The following SLC43A2 variants were observed in gnomAD, a reference collection of about 807,000 sequenced individuals.
SLC43A2 encodes the protein solute carrier family 43 member 2, also known as large neutral amino acids transporter small subunit 4.
SLC43A2 carries 38 observed loss-of-function variants against 63.2 expected under a neutral mutation model. The ratio of observed to expected loss-of-function variants is 0.60; its 90% CI spans 0.46 to 0.79. SLC43A2 has a LOEUF of 0.79. SLC43A2 is among the 30% of genes least tolerant of loss of function. The probability of loss-of-function intolerance (pLI) is 0.00; values close to 1 mark genes in which losing one functional copy is unlikely to be tolerated. For missense variants in SLC43A2, 644 were observed against 756.2 expected, an observed-to-expected ratio of 0.85 and a Z score of 1.74; for synonymous variants, 322 against 331.0, an observed-to-expected ratio of 0.97 and a Z score of 0.30.
chr17:1,621,677 C>T (rs570750151), intron 2 of SLC43A2, among the ~76,000 whole-genome samples: 3 of 152,336 alleles, frequency 2.0e-5, no homozygotes, highest in Admixed American at 2.0e-4. Context: ...CCCACGCCCA[C>T]CCCATATTCC....
Position 1,585,983 on chromosome 17 carries a change from A to G in SLC43A2, c.1147T>C (p.Tyr383His). ...TCCTTCAGCCTCCAGTCCATGATGT[A>G]GCCAATGACGGGGGCCGTCAGCAGG... is the stretch of plus-strand genomic sequence containing the variant. ...LCLLTAPVIG[Y>H]IMDWRLKECE... The change falls in exon 10 of 14, where the codon TAC becomes CAC. Residue 383 changes from tyrosine (Y) to histidine (H), a missense_variant. This residue lies in a region of SLC43A2 where 528 missense variants were observed against 623.6 expected (regional missense o/e 0.85). Transcript: ENST00000301335. The G allele has an allele frequency of 6.2e-7, 1 of 1,613,360 alleles. No homozygotes were observed. Among genetic ancestry groups the G allele is most frequent in the Non-Finnish European group, 8.5e-7 (1 of 1,179,900 alleles).
intron 11 of SLC43A2, among the ~76,000 whole-genome samples, chr17:1,582,943 A>G (rs552396446): frequency 2.0e-5 from 3 of 152,064 alleles, no homozygotes; most frequent in South Asian, 2.1e-4. Flanking sequence ...GCTGGGCGTG[A>G]TGGTGCGCAC....
At position 1,615,180 on chromosome 17, in the gene SLC43A2, T is replaced by C. The variant is rs1004846650; in HGVS notation, c.369-146A>G. On this transcript the variant is annotated intron_variant, in intron 3 of 13. Coordinates refer to ENST00000301335, the MANE Select transcript of SLC43A2 (RefSeq NM_152346.3). ...TGGAGTGCAGTGGCGCGATCTCGGC[T>C]CACTGCAACCTCCGCCTCCCAGGTT... The C allele has an allele frequency of 1.2e-4, 109 of 878,570 alleles. 1 individual carries two copies. In the East Asian group the frequency reaches 2.0e-3, roughly 16 times the overall value. 54.4% of individuals were successfully genotyped at this position (878,570 alleles called of 1,614,324 possible).
chr17:1,586,928 T>TCCCCCCCCCCCCCCCCCCCCCCCTCGCCC, intron 9 of SLC43A2: 1 of 1,232,916 alleles, frequency 8.1e-7, no homozygotes, highest in South Asian at 1.3e-5. Flanking sequence ...TCCCTGACAA[T>TCCCCCCCCCCCCCCCCCCCCCCCTCGCCC]CCCCCCCACC....
At chr17:1,615,658 A>G (rs375673158) in intron 3 of SLC43A2, among the ~76,000 whole-genome samples, 19 of 129,516 alleles carry the variant, frequency 1.5e-4, no homozygotes, top group East Asian at 3.3e-4. Context: ...CCTGGCTAAC[A>G]CAGTGAAACC....
Position 1,570,452 on chromosome 17 carries a change from C to T in SLC43A2, c.*5152G>A, listed in dbSNP as rs941899231. 27 of 152,192 alleles carry T rather than the reference C, an allele frequency of 1.8e-4. No homozygotes were observed. The highest frequency in any genetic ancestry group is 1.6e-3 in the Admixed American group (25 of 15,248). 9.4% of individuals were successfully genotyped at this position (152,192 alleles called of 1,614,324 possible). On this transcript the variant is annotated 3_prime_UTR_variant, in exon 14 of 14. Coordinates refer to ENST00000301335, the MANE Select transcript of SLC43A2 (RefSeq NM_152346.3). ...GGTGGCCCTTTCCCTGTCCCAGCTG[C>T]CTTCTTCCTGGGCACTGAAAACGAT...
rs1191733279 is a variant in SLC43A2 at position 1,583,949 on chromosome 17, G to A, written c.1218-613C>T. 2.6e-5 allele frequency among the ~76,000 whole-genome samples: 4 copies of A among 152,040 alleles called. No individual in the cohort carries two copies. Among genetic ancestry groups the A allele is most frequent in the African/African-American group, 7.2e-5 (3 of 41,400 alleles). On this transcript the variant is annotated intron_variant, in intron 10 of 13. Transcript: ENST00000301335. This position sits in a 1 kb window ranked among gnomAD's most constrained non-coding sequence, Gnocchi z 5.5. ...CTCGCTCTGTCACCCGGGCTGGAGT[G>A]CAGTGGTGTGATCTCGGCTCATTGC...
chr17:1,605,290 C>A lies in SLC43A2; in HGVS notation c.501+7905G>T. ...AACAGGCCGGACTGTGTGACCTTCC[C>A]AGAGGGGAAAACAGCAGCTGCAGGC... On this transcript the variant is annotated intron_variant, in intron 5 of 13. Coordinates refer to ENST00000301335, the MANE Select transcript of SLC43A2 (RefSeq NM_152346.3). This position sits in a 1 kb window ranked among gnomAD's most constrained non-coding sequence, Gnocchi z 4.9. 1 of 991,554 alleles carries A rather than the reference C, an allele frequency of 1.0e-6. No homozygotes were observed. Among genetic ancestry groups the A allele is most frequent in the Non-Finnish European group, 1.2e-6 (1 of 820,400 alleles). The allele number at this position is 991,554 out of a possible 1,614,324, so 61.4% of individuals were successfully genotyped here.
At chr17:1,618,900 A>C (rs1907913089) in intron 2 of SLC43A2, among the ~76,000 whole-genome samples, 1 of 151,964 alleles carries the variant, frequency 6.6e-6, no homozygotes. Flanking sequence ...CAAGAGAATC[A>C]TTGAACCCGG....
intron 5 of SLC43A2, among the ~76,000 whole-genome samples, chr17:1,595,901 G>C (rs1905240663): frequency 6.6e-6 from 1 of 152,214 alleles, no homozygotes; most frequent in Non-Finnish European, 1.5e-5. Context: ...TTACTGAGCG[G>C]AGGGAGTTTG....
chr17:1,621,220 C>T (rs190084988), intron 2 of SLC43A2, among the ~76,000 whole-genome samples: 3 of 152,254 alleles, frequency 2.0e-5, no homozygotes, highest in Admixed American at 2.0e-4. Context: ...CCCCAGGCTC[C>T]CCTGAGGCAA....
chr17:1,586,928 T>TGGGCCCCCCCCCC, intron 9 of SLC43A2: 243 of 1,231,976 alleles, frequency 2.0e-4, no homozygotes, highest in Non-Finnish European at 2.5e-4. Flanking sequence ...TCCCTGACAA[T>TGGGCCCCCCCCCC]CCCCCCCACC....
rs1470273980 is a variant in SLC43A2, at chr17:1,573,507, G to C, written c.*2097C>G. The C allele has an allele frequency of 6.6e-6, 1 of 152,290 alleles. No individual in the cohort carries two copies. Among genetic ancestry groups the C allele is most frequent in the African/African-American group, 2.4e-5 (1 of 41,476 alleles). 9.4% of individuals were successfully genotyped at this position (152,290 alleles called of 1,614,324 possible). ...GTGCTGGCTGTAAGGAAACAGGCTTGACTTTTAACTCAGCCTTTCCCAAAC... is the reference window on the plus strand; with the variant it reads ...GTGCTGGCTGTAAGGAAACAGGCTTCACTTTTAACTCAGCCTTTCCCAAAC... On this transcript the variant is annotated 3_prime_UTR_variant, in exon 14 of 14. Coordinates refer to ENST00000301335, the MANE Select transcript of SLC43A2 (RefSeq NM_152346.3).
intron 5 of SLC43A2, among the ~76,000 whole-genome samples, chr17:1,609,789 A>G (rs1027354188): frequency 2.0e-5 from 3 of 152,136 alleles, no homozygotes; most frequent in Non-Finnish European, 2.9e-5. Flanking sequence ...AAGATACATT[A>G]AGGGAAAAGG....
chr17:1,580,048 T>C (rs1386377673), intron 11 of SLC43A2, among the ~76,000 whole-genome samples: 3 of 151,800 alleles, frequency 2.0e-5, no homozygotes, highest in African/African-American at 7.3e-5. Context: ...TGCCTCAGCC[T>C]CCCTAGTAGC....
intron 6 of SLC43A2, among the ~76,000 whole-genome samples, chr17:1,592,191 G>A (rs1904881748): frequency 6.6e-6 from 1 of 152,240 alleles, no homozygotes; most frequent in Non-Finnish European, 1.5e-5. Context: ...CACTTTGGGA[G>A]GCCAAAGTGG....
intron 9 of SLC43A2, among the ~76,000 whole-genome samples, chr17:1,587,838 C>T (rs1904359435): frequency 6.6e-6 from 1 of 152,244 alleles, no homozygotes; most frequent in Non-Finnish European, 1.5e-5. Context: ...GGACAGGTGG[C>T]CCCTGACTAG....
At chr17:1,629,529 A>C (rs1431781073), upstream of SLC43A2, among the ~76,000 whole-genome samples, 2 of 152,078 alleles carry the variant, frequency 1.3e-5, no homozygotes, top group East Asian at 3.9e-4. Flanking sequence ...TGGCCCTTGG[A>C]AATCTGCAAG....
Position 1,594,638 on chromosome 17 carries a change from A to T in SLC43A2, c.502-1359T>A, listed in dbSNP as rs1221648333. On this transcript the variant is annotated intron_variant, in intron 5 of 13. Coordinates refer to ENST00000301335, the MANE Select transcript of SLC43A2 (RefSeq NM_152346.3). ...AGTCTCGCTCTTTCGCCCAGGCTGT[A>T]CTGCAGTGGCTCTATCTCGGCTCAC... Among the ~76,000 whole-genome samples, 16 of 126,918 alleles carry T rather than the reference A, an allele frequency of 1.3e-4. No homozygotes were observed. The South Asian group carries it at 4.1e-3, about 33-fold the overall frequency. 83.3% of individuals were successfully genotyped at this position (126,918 alleles called of 152,430 possible).
Sources: allele counts gnomAD v4.1 joint callset (sites outside exome capture counted in the v4.1 genomes callset), GRCh38; gene constraint gnomAD v4.1.1; regional missense constraint gnomAD v4.1.1; non-coding constraint Gnocchi (gnomAD v3.1); transcripts MANE v1.5; gene names NCBI Gene and HGNC (gene_info 2026-07-23, HGNC 2026-07-21).